RHBDF1: variants seen among roughly 807,000 people sequenced by gnomAD.
RHBDF1 encodes rhomboid 5 homolog 1.
In RHBDF1, 80 loss-of-function variants were observed where a neutral mutation model predicts 98.6. The ratio of observed to expected loss-of-function variants is 0.81; its 90% CI spans 0.68 to 0.98. The LOEUF is 0.98. Ranked by LOEUF, RHBDF1 falls within the 50% of genes least tolerant of loss-of-function variation. The pLI is 0.00. For missense variants in RHBDF1, 1,116 were observed against 1,198.3 expected (o/e 0.93, Z 1.01); for synonymous variants, 512 against 486.8 (o/e 1.05, Z -0.68).
In RHBDF1 at chr16:59,273, C is replaced by T. The variant is rs1472530800; in HGVS notation, c.1970G>A (p.Trp657Ter). 1.2e-6 allele frequency: 2 copies of T among 1,608,432 alleles called. No homozygotes were observed. The highest frequency in any genetic ancestry group is 8.5e-7 in the Non-Finnish European group (1 of 1,176,850). ...PEVPDQFYRL[W>*]LSLFLHAGIL... Reference sequence around the variant, plus strand: ...CCCGGCGTGCAGGAAGAGGGATAGCCACAGGCGGTAGAACTGGTCAGGCAC... The same window carrying T: ...CCCGGCGTGCAGGAAGAGGGATAGCTACAGGCGGTAGAACTGGTCAGGCAC... The change falls in exon 16 of 18, where the codon TGG becomes TAG. Residue 657 changes from tryptophan to a stop codon, truncating the protein, a stop_gained. Coordinates refer to ENST00000262316, the MANE Select transcript of RHBDF1 (RefSeq NM_022450.5). LOFTEE classifies it high-confidence loss of function.
intron 3 of RHBDF1, chr16:64,109 C>G: frequency 1.6e-6 from 1 of 639,784 alleles, no homozygotes; most frequent in South Asian, 1.8e-5. Context: ...GAGCTGAGAG[C>G]TCAACCCGAG....
intron 12 of RHBDF1, 77 bp from the exon 13 acceptor site, chr16:60,356 G>A (rs1897563529): frequency 1.2e-6 from 2 of 1,603,138 alleles, no homozygotes; most frequent in East Asian, 2.2e-5. Flanking sequence ...TCGCCAACAA[G>A]AGGAGCCCCT....
chr16:64,135 G>A, intron 3 of RHBDF1: 1 of 723,626 alleles, frequency 1.4e-6, no homozygotes, highest in Non-Finnish European at 2.2e-6. Flanking sequence ...TTGGCCCCAG[G>A]ACACCACAGA....
Position 62,071 on chromosome 16 carries a change from C to G in RHBDF1, c.954-19G>C. 6.9e-7 allele frequency: 1 copy of G among 1,443,412 alleles called. No individual in the cohort carries two copies. The highest frequency in any genetic ancestry group is 9.1e-7 in the Non-Finnish European group (1 of 1,102,212). 89.4% of individuals were successfully genotyped at this position (1,443,412 alleles called of 1,614,324 possible). On this transcript the variant is annotated intron_variant, in intron 7 of 17. Transcript: ENST00000262316. ...CAAGGGCCTGGAGGGAGCCGGCATT[C>G]ACCTCCCGCCCCAGCCCCGCAAACT...
At chr16:72,712 G>A (rs1271732194), upstream of RHBDF1, 2 of 983,042 alleles carry the variant, frequency 2.0e-6, no homozygotes, top group African/African-American at 1.8e-5. Context: ...AGGAATGCGC[G>A]CCGCCCGCCT....
At position 64,724 on chromosome 16, in the gene RHBDF1, T is replaced by C; in HGVS notation, c.223A>G (p.Thr75Ala). The change falls in exon 3 of 18, where the codon ACG (threonine) becomes GCG (alanine). Residue 75 changes from threonine to alanine, a missense_variant. Thr to Ala is a moderately conservative substitution (Grantham distance 58, BLOSUM62 0). Transcript: ENST00000262316. ...ELRRPVLQRQ[T>A]SITQTIRRGT... ...CTGCGGATGGTCTGTGTGATGGACG[T>C]CTGGCGTTGCAGCACCGGCCGCCGG... 3 of 1,613,472 alleles carry C rather than the reference T, an allele frequency of 1.9e-6. No homozygotes were observed. Among genetic ancestry groups the C allele is most frequent in the Non-Finnish European group, 2.5e-6 (3 of 1,179,616 alleles).
chr16:62,315 C>G (rs934690982), intron 7 of RHBDF1: 4 of 742,922 alleles, frequency 5.4e-6, no homozygotes, highest in Non-Finnish European at 8.5e-6. Context: ...CTGCCCAGCC[C>G]CTGGGTTCTA....
intron 3 of RHBDF1, 125 bp downstream of exon 3, chr16:64,574 G>T: frequency 6.5e-7 from 1 of 1,541,068 alleles, no homozygotes; most frequent in Non-Finnish European, 8.7e-7. Flanking sequence ...GGATGGTGGG[G>T]ACCGAGATGG....
At chr16:68,582 C>A (rs972471235) in intron 1 of RHBDF1, among the ~76,000 whole-genome samples, 18 of 152,258 alleles carry the variant, frequency 1.2e-4, no homozygotes, top group African/African-American at 4.3e-4. Context: ...TGAGTCACTG[C>A]AGCAGCCTCA....
Position 61,200 on chromosome 16 carries a change from G to C in RHBDF1, c.1477C>G (p.Arg493Gly), listed in dbSNP as rs1280575979. The C allele has an allele frequency of 5.6e-5, 86 of 1,544,170 alleles. No individual in the cohort carries two copies. Among genetic ancestry groups the C allele is most frequent in the Non-Finnish European group, 7.3e-5 (84 of 1,145,548 alleles). ...PQVHSFIRSA[R>G]EREKHSACCV... ...CAGGCGGAGTGCTTCTCGCGCTCGC[G>C]CGCCGAGCGAATGAAGCTGTGCACC... Residue 493 changes from arginine to glycine, a missense_variant, in exon 11 of 18, where the codon CGC becomes GGC. Coordinates refer to ENST00000262316, the MANE Select transcript of RHBDF1 (RefSeq NM_022450.5).
chr16:59,487 T>C lies in RHBDF1; in HGVS notation c.1825A>G (p.Ile609Val), dbSNP rs367744568. ...CCIGTKGRCEITSREYCDFMR... is the reference protein window; with the variant it reads ...CCIGTKGRCEVTSREYCDFMR... ...AAGTCACAGTACTCCCGGGAGGTGATCTCACACCTAGAAAGGCAGGCCAGG... is the reference window on the plus strand; with the variant it reads ...AAGTCACAGTACTCCCGGGAGGTGACCTCACACCTAGAAAGGCAGGCCAGG... Residue 609 changes from isoleucine (I) to valine (V), a missense_variant, in exon 15 of 18, where the codon ATC (isoleucine) becomes GTC (valine). By Grantham distance (29) the Ile-to-Val change is conservative. Transcript: ENST00000262316. 5.6e-6 allele frequency: 9 copies of C among 1,613,226 alleles called. No individual in the cohort carries two copies. The highest frequency in any genetic ancestry group is 1.7e-4 in the Middle Eastern group (1 of 6,060).
At chr16:72,763 C>T (rs1304854289), upstream of RHBDF1, 63 of 840,546 alleles carry the variant, frequency 7.5e-5, no homozygotes, top group Non-Finnish European at 8.2e-5. Context: ...CCGCCGGGCT[C>T]CCTTCTCCCC....
At chr16:67,468 C>G (rs2141863316) in intron 1 of RHBDF1, among the ~76,000 whole-genome samples, 1 of 152,282 alleles carries the variant, frequency 6.6e-6, no homozygotes, top group East Asian at 1.9e-4. Flanking sequence ...GTGACCTTTG[C>G]CAACAGAGAC....
At position 60,245 on chromosome 16, in the gene RHBDF1, C is replaced by A; in HGVS notation, c.1693G>T (p.Glu565Ter). 1 of 1,614,152 alleles carries A rather than the reference C, an allele frequency of 6.2e-7. No homozygotes were observed. Residue 565 changes from glutamate to a stop codon, truncating the protein, a stop_gained, in exon 13 of 18, where the codon GAG becomes TAG. Transcript: ENST00000262316. LOFTEE classifies it high-confidence loss of function. ...CDEPSSEDPH[E>*]WPEDITKWPI... is the part of the protein sequence containing the mutation. ...CACTTGGTGATGTCTTCTGGCCACTCATGAGGGTCTTCGGAGGAGGGCTCA... is the reference window on the plus strand; with the variant it reads ...CACTTGGTGATGTCTTCTGGCCACTAATGAGGGTCTTCGGAGGAGGGCTCA...
chr16:66,024 C>T (rs1328592895), intron 1 of RHBDF1, among the ~76,000 whole-genome samples: 3 of 152,244 alleles, frequency 2.0e-5, no homozygotes, highest in South Asian at 2.1e-4. Context: ...CATATGACTA[C>T]GACTCCATTT....
chr16:71,416 G>A (rs1596477406), intron 1 of RHBDF1, among the ~76,000 whole-genome samples: 2 of 152,194 alleles, frequency 1.3e-5, no homozygotes, highest in East Asian at 3.9e-4. Context: ...CAGCTGCTTG[G>A]TCCCCAGCTT....
At chr16:61,309 A>C in intron 10 of RHBDF1, 28 bp from the exon 11 acceptor site, 8 of 1,541,424 alleles carry the variant, frequency 5.2e-6, no homozygotes, top group Non-Finnish European at 7.0e-6. Context: ...GAGCGGCCGC[A>C]GTCCGGGGCC....
chr16:58,609 T>C lies in RHBDF1; in HGVS notation c.2299A>G (p.Ile767Val). ...CCTGAGATGTGGGCAAAGTTGTCAA[T>C]CCACGGCAGCAGCCCAAAGGTGAAG... ...FLFTFGLLPWIDNFAHISGFI... is the reference protein window; with the variant it reads ...FLFTFGLLPWVDNFAHISGFI... Residue 767 changes from isoleucine to valine, a missense_variant, in exon 18 of 18, where the codon ATT (isoleucine) becomes GTT (valine). Physicochemically the swap from Ile to Val is conservative, Grantham distance 29. Transcript: ENST00000262316. The C allele has an allele frequency of 6.2e-7, 1 of 1,613,606 alleles. No homozygotes were observed. Among genetic ancestry groups the C allele is most frequent in the Non-Finnish European group, 8.5e-7 (1 of 1,179,966 alleles).
chr16:59,229 C>A lies in RHBDF1; in HGVS notation c.1994+20G>T. On this transcript the variant is annotated intron_variant, in intron 16 of 17. Transcript: ENST00000262316. ...CCTGAGGGCCCTGAGACCCCCGACCCGGCCCACAGTGTCACTTGCCCGGCG... is the reference window on the plus strand; with the variant it reads ...CCTGAGGGCCCTGAGACCCCCGACCAGGCCCACAGTGTCACTTGCCCGGCG... 1 of 1,591,862 alleles carries A rather than the reference C, an allele frequency of 6.3e-7. No individual in the cohort carries two copies. Among genetic ancestry groups the A allele is most frequent in the Non-Finnish European group, 8.6e-7 (1 of 1,166,418 alleles).
Sources: gnomAD v4.1 joint callset for allele counts (sites outside exome capture counted in the v4.1 genomes callset) on GRCh38, gnomAD v4.1.1 for gene constraint, MANE v1.5 for transcripts, NCBI Gene and HGNC (gene_info 2026-07-23, HGNC 2026-07-21) for gene names.